SPTB: variants seen among roughly 807,000 people sequenced by gnomAD.
SPTB encodes spectrin beta, erythrocytic.
Under a neutral mutation model 256.2 loss-of-function variants are expected in SPTB, and 45 were observed. The observed-to-expected ratio is 0.18, with a 90% CI of 0.14 to 0.23. SPTB has a LOEUF of 0.23. SPTB is among the 10% of genes least tolerant of loss of function. SPTB has a pLI of 1.00. For missense variants in SPTB, 2,715 were observed against 3,040.4 expected (o/e 0.89, Z 2.52); for synonymous variants, 1,231 against 1,243.1 (o/e 0.99, Z 0.21).
chr14:64,854,685 C>T (rs1000794148), intron 1 of SPTB, among the ~76,000 whole-genome samples: 2 of 151,496 alleles, frequency 1.3e-5, no homozygotes, highest in East Asian at 2.0e-4. Context: ...TTTCCATTTG[C>T]TGGGCCAAGC....
intron 1 of SPTB, among the ~76,000 whole-genome samples, chr14:64,879,065 C>G (rs1443134852): frequency 2.6e-5 from 4 of 152,126 alleles, no homozygotes; most frequent in African/African-American, 7.2e-5. Flanking sequence ...TTTCTCAAGA[C>G]CAAGTTAGAG....
chr14:64,830,153 G>GT (rs2083431072), intron 1 of SPTB, among the ~76,000 whole-genome samples: 1 of 151,676 alleles, frequency 6.6e-6, no homozygotes, highest in Non-Finnish European at 1.5e-5. Context: ...TCATGTATCT[G>GT]TCTGTTTCCT....
Position 64,782,354 on chromosome 14 carries a change from T to C in SPTB, c.4202A>G (p.Gln1401Arg). Residue 1401 changes from glutamine (Q) to arginine (R), a missense_variant, in exon 20 of 36, where the codon CAG becomes CGG. By Grantham distance (43) the Gln-to-Arg change is conservative. This residue lies in a region of SPTB where 2,239 missense variants were observed against 2,384.4 expected (regional missense o/e 0.94). Transcript: ENST00000644917. ...LNKWISAMED[Q>R]LRSDDPGKDL... The stretch of plus-strand genomic sequence containing the variant: ...CTTGCCCGGGTCGTCTGACCGCAGC[T>C]GGTCCTCCATGGCGCTGATCCACTT... 6.2e-7 allele frequency: 1 copy of C among 1,614,238 alleles called. No homozygotes were observed. Among genetic ancestry groups the C allele is most frequent in the Non-Finnish European group, 8.5e-7 (1 of 1,180,046 alleles).
At chr14:64,875,738 TC>T (rs2139835003) in intron 1 of SPTB, among the ~76,000 whole-genome samples, 2 of 152,214 alleles carry the variant, frequency 1.3e-5, no homozygotes, top group East Asian at 3.9e-4. Flanking sequence ...CTTTCCACAG[TC>T]ATTTTTGGCT....
intron 26 of SPTB, 118 bp from the exon 27 acceptor site, chr14:64,771,247 G>A (rs1217756683): frequency 2.6e-6 from 4 of 1,511,882 alleles, no homozygotes; most frequent in Admixed American, 1.7e-5. Flanking sequence ...ACTGCTGGAA[G>A]GTAGGATCTT....
At position 64,801,770 on chromosome 14, in the gene SPTB, G is replaced by C. The variant is rs762057472; in HGVS notation, c.631C>G (p.Leu211Val). 6.2e-7 allele frequency: 1 copy of C among 1,614,120 alleles called. No homozygotes were observed. Among genetic ancestry groups the C allele is most frequent in the South Asian group, 1.1e-5 (1 of 91,072 alleles). Residue 211 changes from leucine to valine, a missense_variant, in exon 6 of 36, where the codon CTG (leucine) becomes GTG (valine). Physicochemically the swap from Leu to Val is conservative, Grantham distance 32. Coordinates refer to ENST00000644917, the MANE Select transcript of SPTB (RefSeq NM_001355436.2). ...SWKDGLAFNA[L>V]IHKHRPDLID... Reference sequence around the variant, plus strand: ...CCCTCTTACCGGTGCTTGTGTATCAGGGCATTAAAGGCCAAGCCATCCTTC... The same window carrying C: ...CCCTCTTACCGGTGCTTGTGTATCACGGCATTAAAGGCCAAGCCATCCTTC...
chr14:64,816,790 C>A lies in SPTB; in HGVS notation c.148+6157G>T, dbSNP rs2083199099. 6.6e-6 allele frequency among the ~76,000 whole-genome samples: 1 copy of A among 152,122 alleles called. No individual in the cohort carries two copies. Among genetic ancestry groups the A allele is most frequent in the Non-Finnish European group, 1.5e-5 (1 of 68,026 alleles). On this transcript the variant is annotated intron_variant, in intron 2 of 35. Transcript: ENST00000644917. This position sits in a 1 kb window ranked among gnomAD's most constrained non-coding sequence, Gnocchi z 4.2. ...ATTGCTACAGATGCTCTGAAAACAC[C>A]ACCCTTGGCACCTCCTCAGCCAAGA...
chr14:64,844,629 T>C lies in SPTB; in HGVS notation c.-51-21484A>G, dbSNP rs2083661498. Reference sequence around the variant, plus strand: ...CTCTAATGATAAATTTCAGCTTTGTTAATAACAGTCCAGCAATTCACATTA... The same window carrying C: ...CTCTAATGATAAATTTCAGCTTTGTCAATAACAGTCCAGCAATTCACATTA... On this transcript the variant is annotated intron_variant, in intron 1 of 35. Transcript: ENST00000644917. This position sits in a 1 kb window ranked among gnomAD's most constrained non-coding sequence, Gnocchi z 4.1. Among the ~76,000 whole-genome samples the C allele has an allele frequency of 6.6e-6, 1 of 152,362 alleles. No homozygotes were observed. The highest frequency in any genetic ancestry group is 2.1e-4 in the South Asian group (1 of 4,832).
chr14:64,842,675 G>A (rs2083625563), intron 1 of SPTB, among the ~76,000 whole-genome samples: 1 of 152,168 alleles, frequency 6.6e-6, no homozygotes, highest in Admixed American at 6.5e-5. Flanking sequence ...ATTGCTCTAA[G>A]GTTGCTGCTG....
chr14:64,773,075 T>G, intron 25 of SPTB, 121 bp from the exon 26 acceptor site: 1 of 1,551,048 alleles, frequency 6.4e-7, no homozygotes, highest in Non-Finnish European at 8.7e-7. Context: ...TGTCACACCT[T>G]CCCCAGGGCA....
chr14:64,797,428 A>G (rs985681719), intron 10 of SPTB, among the ~76,000 whole-genome samples: 3 of 131,182 alleles, frequency 2.3e-5, no homozygotes, highest in Non-Finnish European at 4.7e-5. Context: ...GATTGTGCCA[A>G]TGCACTACCA....
Position 64,782,326 on chromosome 14 carries a change from G to A in SPTB, c.4230C>T (p.Asp1410=), listed in dbSNP as rs778846532. 8.7e-6 allele frequency: 14 copies of A among 1,614,076 alleles called. No individual in the cohort carries two copies. Among genetic ancestry groups the A allele is most frequent in the Admixed American group, 1.7e-5 (1 of 60,012 alleles). ...DQLRSDDPGK[D]LTSVNRMLAK... is the part of the protein sequence containing the mutation. ...CCAACATCCGATTGACACTGGTCAG[G>A]TCCTTGCCCGGGTCGTCTGACCGCA... The change falls in exon 20 of 36, where the codon GAC becomes GAT. Residue 1410 remains aspartate, a synonymous_variant. Coordinates refer to ENST00000644917, the MANE Select transcript of SPTB (RefSeq NM_001355436.2).
At position 64,807,622 on chromosome 14, in the gene SPTB, A is replaced by G. The variant is rs2083008675; in HGVS notation, c.149-2532T>C. 6.6e-6 allele frequency among the ~76,000 whole-genome samples: 1 copy of G among 152,224 alleles called. No homozygotes were observed. Among genetic ancestry groups the G allele is most frequent in the South Asian group, 2.1e-4 (1 of 4,822 alleles). On this transcript the variant is annotated intron_variant, in intron 2 of 35. Transcript: ENST00000644917. This position sits in a 1 kb window ranked among gnomAD's most constrained non-coding sequence, Gnocchi z 4.7. ...AGAGGCTAATGATGATTGGAAGGGG[A>G]GAAAAGGCCCCAAGGTGAGAGGCAT...
intron 2 of SPTB, among the ~76,000 whole-genome samples, chr14:64,809,020 G>T (rs1480768347): frequency 6.6e-6 from 1 of 151,988 alleles, no homozygotes; most frequent in Non-Finnish European, 1.5e-5. Context: ...CAGCACTTTG[G>T]GAAGCTGAGG....
chr14:64,775,120 C>A lies in SPTB; in HGVS notation c.4842+5G>T. 1.2e-6 allele frequency: 2 copies of A among 1,613,924 alleles called. No homozygotes were observed. The highest frequency in any genetic ancestry group is 1.7e-6 in the Non-Finnish European group (2 of 1,180,030). ...CCCTGGCTGGTATCCCCTGCCCGAACAGACCTTGGGGATCTCATCGGAGAT... is the reference window on the plus strand; with the variant it reads ...CCCTGGCTGGTATCCCCTGCCCGAAAAGACCTTGGGGATCTCATCGGAGAT... On this transcript the variant is annotated splice_donor_5th_base_variant and intron_variant, in intron 23 of 35. Coordinates refer to ENST00000644917, the MANE Select transcript of SPTB (RefSeq NM_001355436.2). The surrounding 1 kb of genome is among the most constrained non-coding windows in gnomAD (Gnocchi z 5.0).
chr14:64,874,831 C>A (rs1882730785), intron 1 of SPTB, among the ~76,000 whole-genome samples: 1 of 152,188 alleles, frequency 6.6e-6, no homozygotes, highest in Admixed American at 6.6e-5. Flanking sequence ...GGTGGAAACT[C>A]CTAAATTGAC....
chr14:64,801,236 G>A, intron 7 of SPTB, 49 bp downstream of exon 7: 1 of 1,498,616 alleles, frequency 6.7e-7, no homozygotes, highest in Non-Finnish European at 9.3e-7. Flanking sequence ...CACAGCGAGT[G>A]CATCCCCCAC....
rs1260532584 is a variant in SPTB at position 64,853,570 on chromosome 14, A to T, written c.-52+26222T>A. On this transcript the variant is annotated intron_variant, in intron 1 of 35. Coordinates refer to ENST00000644917, the MANE Select transcript of SPTB (RefSeq NM_001355436.2). This position sits in a 1 kb window ranked among gnomAD's most constrained non-coding sequence, Gnocchi z 4.3. ...AAGAACCCATGGCAGCAGGGAGTGG[A>T]ATAAATCAGAGTACAACGAAGAATG... is the stretch of plus-strand genomic sequence containing the variant. Among the ~76,000 whole-genome samples, 1 of 152,222 alleles carries T rather than the reference A, an allele frequency of 6.6e-6. No homozygotes were observed. Among genetic ancestry groups the T allele is most frequent in the Admixed American group, 6.5e-5 (1 of 15,290 alleles).
chr14:64,750,389 C>CAGAT (rs1022865635), intron 33 of SPTB: 12 of 504,816 alleles, frequency 2.4e-5, no homozygotes, highest in Non-Finnish European at 3.5e-5. Context: ...TTACTAGTCA[C>CAGAT]AGATAGCTAA....
Sources: gnomAD v4.1 joint callset for allele counts (sites outside exome capture counted in the v4.1 genomes callset) on GRCh38, gnomAD v4.1.1 for gene constraint, gnomAD v4.1.1 regional missense constraint, Gnocchi (gnomAD v3.1) non-coding constraint, MANE v1.5 for transcripts, NCBI Gene and HGNC (gene_info 2026-07-23, HGNC 2026-07-21) for gene names.